GPHN: variants seen among roughly 807,000 people sequenced by gnomAD.
GPHN encodes gephyrin.
Under a neutral mutation model 95.5 loss-of-function variants are expected in GPHN, and 17 were observed. The observed-to-expected ratio is 0.18, with a 90% CI of 0.12 to 0.27. The LOEUF is 0.27. GPHN is among the 10% of genes least tolerant of loss of function. The probability of loss-of-function intolerance (pLI) is 1.00; values close to 1 mark genes in which losing one functional copy is unlikely to be tolerated. For missense variants in GPHN, 660 were observed against 978.1 expected, an observed-to-expected ratio of 0.67 and a Z score of 4.34; for synonymous variants, 320 against 322.5, an observed-to-expected ratio of 0.99 and a Z score of 0.08.
intron 1 of GPHN, among the ~76,000 whole-genome samples, chr14:66,637,673 A>G (rs564614903): frequency 6.6e-6 from 1 of 152,176 alleles, no homozygotes; most frequent in Non-Finnish European, 1.5e-5. Context: ...AGTTCCAGAA[A>G]TATAGTCTAG....
chr14:67,166,823 C>T (rs2082306590), intron 20 of GPHN, among the ~76,000 whole-genome samples: 1 of 152,164 alleles, frequency 6.6e-6, no homozygotes, highest in Non-Finnish European at 1.5e-5. Flanking sequence ...GCGCTTGCTA[C>T]CACCCCTGGC....
the GPHN span, among the ~76,000 whole-genome samples, chr14:67,684,325 G>A: frequency 6.6e-6 from 1 of 152,138 alleles, no homozygotes; most frequent in Non-Finnish European, 1.5e-5. Flanking sequence ...TTGATCTTAT[G>A]TGATGCCTGG....
At chr14:66,830,154 C>T (rs1015434158) in intron 4 of GPHN, among the ~76,000 whole-genome samples, 2 of 152,072 alleles carry the variant, frequency 1.3e-5, no homozygotes, top group Admixed American at 1.3e-4. Context: ...AAAGTTTGTC[C>T]ACCCATGGCC....
At chr14:67,439,574 T>TTTC in the GPHN span, among the ~76,000 whole-genome samples, 293 of 142,498 alleles carry the variant, frequency 2.1e-3, 1 homozygote, top group East Asian at 0.02. Flanking sequence ...TCTTTCTTTC[T>TTTC]TTCTTTCTTT....
At chr14:67,619,944 G>T in the GPHN span, 11 of 1,450,368 alleles carry the variant, frequency 7.6e-6, no homozygotes, top group East Asian at 2.7e-5. Context: ...ACCGCGCGGA[G>T]CCTCTGCCTT....
At chr14:66,972,722 T>C (rs1436750957) in intron 9 of GPHN, among the ~76,000 whole-genome samples, 5 of 152,066 alleles carry the variant, frequency 3.3e-5, no homozygotes, top group Non-Finnish European at 7.4e-5. Context: ...TGTCATATAA[T>C]ATTGTAATTA....
At chr14:67,587,667 C>G in the GPHN span, 57 of 200,932 alleles carry the variant, frequency 2.8e-4, 1 homozygote, top group Middle Eastern at 2.2e-3. Context: ...CCTGCCTCAG[C>G]CTTCGGAGTG....
chr14:66,986,151 T>G (rs1474946320), intron 9 of GPHN, among the ~76,000 whole-genome samples: 1 of 151,390 alleles, frequency 6.6e-6, no homozygotes, highest in Non-Finnish European at 1.5e-5. Flanking sequence ...TTTAATGTTA[T>G]TTTGGTATCA....
intron 1 of GPHN, among the ~76,000 whole-genome samples, chr14:66,655,689 G>T (rs565423800): frequency 1.3e-5 from 2 of 151,908 alleles, no homozygotes; most frequent in African/African-American, 4.8e-5. Flanking sequence ...GGTCTTTGGG[G>T]AAAGCATTCA....
At chr14:66,893,373 A>G (rs866922836) in intron 5 of GPHN, among the ~76,000 whole-genome samples, 72 of 152,232 alleles carry the variant, frequency 4.7e-4, no homozygotes, top group African/African-American at 1.7e-3. Flanking sequence ...AGGGTGAGGC[A>G]TTGCTATTTA....
At chr14:66,707,997 C>G (rs1226467825) in intron 2 of GPHN, among the ~76,000 whole-genome samples, 1 of 152,082 alleles carries the variant, frequency 6.6e-6, no homozygotes. Flanking sequence ...TATAGTCACC[C>G]TATAAAGTTT....
intron 1 of GPHN, among the ~76,000 whole-genome samples, chr14:66,513,078 A>G (rs534047419): frequency 1.3e-5 from 2 of 151,896 alleles, no homozygotes; most frequent in South Asian, 4.1e-4. Context: ...TTTTTTGTTG[A>G]AAGCAATGTA....
At chr14:66,873,965 C>T (rs1160422063) in intron 4 of GPHN, among the ~76,000 whole-genome samples, 2 of 152,212 alleles carry the variant, frequency 1.3e-5, no homozygotes, top group Non-Finnish European at 2.9e-5. Flanking sequence ...CTAGGAAACA[C>T]CTCCCAGCAG....
At chr14:67,667,937 C>G in the GPHN span, among the ~76,000 whole-genome samples, 11 of 152,074 alleles carry the variant, frequency 7.2e-5, no homozygotes, top group African/African-American at 2.4e-4. Flanking sequence ...GAGCAACACT[C>G]CATCTCAAAA....
chr14:67,621,698 GCTT>G, the GPHN span, among the ~76,000 whole-genome samples: 1 of 151,382 alleles, frequency 6.6e-6, no homozygotes, highest in Admixed American at 6.6e-5. Context: ...GCCCACCTCA[GCTT>G]CCCAAAGTGC....
chr14:67,405,985 C>T, the GPHN span, among the ~76,000 whole-genome samples: 109 of 152,232 alleles, frequency 7.2e-4, no homozygotes, highest in Non-Finnish European at 1.1e-3. Flanking sequence ...TGGCCAGGCA[C>T]GGTGGCTCAC....
At chr14:67,265,744 C>T in the GPHN span, among the ~76,000 whole-genome samples, 1 of 151,240 alleles carries the variant, frequency 6.6e-6, no homozygotes. Flanking sequence ...GTAATCCCAG[C>T]TGCTCTGGAG....
the GPHN span, among the ~76,000 whole-genome samples, chr14:67,501,584 G>A: frequency 6.6e-6 from 1 of 152,160 alleles, no homozygotes. Context: ...ACAGGCTATA[G>A]TTATATTGGA....
rs1009880571 is a variant in GPHN at position 67,141,263 on chromosome 14, A to G, written c.1749-2099A>G. The stretch of plus-strand genomic sequence containing the variant: ...AACCTCATAGTAAATGAAGCTATTC[A>G]GGTTGGAACCAGGCCTACCTTGCCA... On this transcript the variant is annotated intron_variant, in intron 17 of 22. Transcript: ENST00000478722. Among the ~76,000 whole-genome samples the G allele has an allele frequency of 5.9e-5, 9 of 152,230 alleles. 1 individual carries two copies. The highest frequency in any genetic ancestry group is 1.3e-4 in the Non-Finnish European group (9 of 68,044).
Sources: allele counts gnomAD v4.1 joint callset (sites outside exome capture counted in the v4.1 genomes callset), GRCh38; gene constraint gnomAD v4.1.1; transcripts MANE v1.5; gene names NCBI Gene and HGNC (gene_info 2026-07-23, HGNC 2026-07-21).